AK8: variants seen among roughly 807,000 people sequenced by gnomAD.
The protein encoded by AK8 is adenylate kinase 8.
AK8 carries 44 observed loss-of-function variants against 54.6 expected under a neutral mutation model. The ratio of observed to expected loss-of-function variants is 0.81; its 90% CI spans 0.63 to 1.04. The LOEUF (loss-of-function observed/expected upper bound fraction) is 1.04, where lower values mean the gene tolerates loss of function less well. Among genes scored for constraint, AK8 ranks in the 50% least tolerant of loss-of-function variants. AK8 has a pLI of 0.00. For synonymous variants in AK8, 239 were observed against 245.6 expected, an observed-to-expected ratio of 0.97 and a Z score of 0.25; for missense variants, 555 against 613.6, an observed-to-expected ratio of 0.90 and a Z score of 1.01.
chr9:132,848,115 CAAAAAAAAAAAAAAA>C (rs796764891), intron 5 of AK8, among the ~76,000 whole-genome samples: 3 of 52,538 alleles, frequency 5.7e-5, no homozygotes, highest in African/African-American at 7.2e-5. Flanking sequence ...CACCCTGTTT[CAAAAAAAAAAAAAAA>C]AAAAAAAAAA....
chr9:132,867,613 C>A (rs1427445722), intron 2 of AK8, among the ~76,000 whole-genome samples: 4 of 152,238 alleles, frequency 2.6e-5, no homozygotes, highest in Admixed American at 1.3e-4. Context: ...TCTGGGCTCA[C>A]CCGGCAGGTG....
At chr9:132,854,747 G>C in intron 5 of AK8, 110 bp downstream of exon 5, 1 of 1,228,882 alleles carries the variant, frequency 8.1e-7, no homozygotes, top group African/African-American at 1.5e-5. Context: ...CCGTTTGCCT[G>C]CCTTACCTTC....
At chr9:132,786,036 T>C (rs1478838152) in intron 11 of AK8, among the ~76,000 whole-genome samples, 1 of 152,212 alleles carries the variant, frequency 6.6e-6, no homozygotes, top group African/African-American at 2.4e-5. Flanking sequence ...AAGGTTTCGA[T>C]GCTGGAAAGC....
chr9:132,827,382 G>A (rs1841917214), intron 7 of AK8: 5 of 384,716 alleles, frequency 1.3e-5, no homozygotes, highest in Non-Finnish European at 2.4e-5. Flanking sequence ...CCATTAGGTT[G>A]GTATTTTCAT....
At position 132,781,496 on chromosome 9, in the gene AK8, T is replaced by C. The variant is rs1483461973; in HGVS notation, c.1121+11138A>G. Among the ~76,000 whole-genome samples, 1 of 152,182 alleles carries C rather than the reference T, an allele frequency of 6.6e-6. No homozygotes were observed. The highest frequency in any genetic ancestry group is 1.5e-5 in the Non-Finnish European group (1 of 68,036). On this transcript the variant is annotated intron_variant, in intron 11 of 12. Transcript: ENST00000298545. This position sits in a 1 kb window ranked among gnomAD's most constrained non-coding sequence, Gnocchi z 4.6. The stretch of plus-strand genomic sequence containing the variant: ...CAAAGAGGTCTATTTTTGTGTCCAA[T>C]ACACTGAGTAGCTTACCCTTCCCCG...
At chr9:132,755,844 T>C (rs929372242) in intron 11 of AK8, among the ~76,000 whole-genome samples, 2 of 152,006 alleles carry the variant, frequency 1.3e-5, no homozygotes, top group African/African-American at 4.8e-5. Flanking sequence ...CTCTGCTCAC[T>C]GCAACCTTCG....
chr9:132,823,168 T>C, intron 9 of AK8, 37 bp downstream of exon 9: 1 of 1,504,692 alleles, frequency 6.6e-7, no homozygotes, highest in Non-Finnish European at 8.8e-7. Context: ...AGGGAAAGGC[T>C]CTCGAAGCTG....
At chr9:132,752,058 T>C (rs563620944) in intron 11 of AK8, among the ~76,000 whole-genome samples, 1 of 152,002 alleles carries the variant, frequency 6.6e-6, no homozygotes, top group South Asian at 2.1e-4. Flanking sequence ...GTCAGGCTGG[T>C]CTCGAACTCC....
Position 132,866,885 on chromosome 9 carries a change from C to A in AK8, c.219+19G>T. The A allele has an allele frequency of 6.2e-7, 1 of 1,611,780 alleles. No homozygotes were observed. Among genetic ancestry groups the A allele is most frequent in the Non-Finnish European group, 8.5e-7 (1 of 1,177,896 alleles). ...AATGAGATATTACAGCATCACAACACTTAATATGATACACTTACTATTGTT... is the reference window on the plus strand; with the variant it reads ...AATGAGATATTACAGCATCACAACAATTAATATGATACACTTACTATTGTT... On this transcript the variant is annotated intron_variant, in intron 3 of 12. Coordinates refer to ENST00000298545, the MANE Select transcript of AK8 (RefSeq NM_152572.3).
At chr9:132,833,734 A>T (rs1588187983) in intron 5 of AK8, among the ~76,000 whole-genome samples, 1 of 152,220 alleles carries the variant, frequency 6.6e-6, no homozygotes. Context: ...AAAAAAGCAA[A>T]GAAAAGACGC....
chr9:132,729,462 A>G (rs1326415356), intron 11 of AK8, among the ~76,000 whole-genome samples: 1 of 152,248 alleles, frequency 6.6e-6, no homozygotes, highest in Non-Finnish European at 1.5e-5. Flanking sequence ...GGGATGAGCC[A>G]AGACCTAGGA....
Position 132,837,162 on chromosome 9 carries a change from T to C in AK8, c.403-8436A>G, listed in dbSNP as rs566559142. Among the ~76,000 whole-genome samples the C allele has an allele frequency of 5.1e-4, 78 of 151,844 alleles. No individual in the cohort carries two copies. Among genetic ancestry groups the C allele is most frequent in the Non-Finnish European group, 9.9e-4 (67 of 67,976 alleles). ...GGTGAAACCCCATCTCTACTAAATA[T>C]ACAAAAATTATCTGGGCGTGGTGGC... On this transcript the variant is annotated intron_variant, in intron 5 of 12. Coordinates refer to ENST00000298545, the MANE Select transcript of AK8 (RefSeq NM_152572.3). The surrounding 1 kb of genome is among the most constrained non-coding windows in gnomAD (Gnocchi z 4.3).
chr9:132,759,723 C>G (rs1459584647), intron 11 of AK8, among the ~76,000 whole-genome samples: 2 of 152,194 alleles, frequency 1.3e-5, no homozygotes, highest in Non-Finnish European at 2.9e-5. Flanking sequence ...CGTGGTGCCA[C>G]CCCTGTCATT....
intron 11 of AK8, among the ~76,000 whole-genome samples, chr9:132,744,417 CA>C (rs35007270): frequency 0.46 from 53,947 of 117,744 alleles, 10,126 homozygotes; most frequent in Admixed American, 0.58. Flanking sequence ...AGACACGTGC[CA>C]AAAAAAAAAA....
chr9:132,778,217 C>T (rs1412012600), intron 11 of AK8, among the ~76,000 whole-genome samples: 3 of 152,156 alleles, frequency 2.0e-5, no homozygotes, highest in Non-Finnish European at 2.9e-5. Context: ...GGTAAACTCT[C>T]GGATGATGGC....
At chr9:132,754,593 C>T (rs1461191863) in intron 11 of AK8, among the ~76,000 whole-genome samples, 2 of 152,166 alleles carry the variant, frequency 1.3e-5, no homozygotes, top group Non-Finnish European at 2.9e-5. Context: ...CCTCTTGCCG[C>T]TGCCCTCTCT....
intron 11 of AK8, among the ~76,000 whole-genome samples, chr9:132,785,005 A>G (rs1362074405): frequency 6.6e-6 from 1 of 152,166 alleles, no homozygotes; most frequent in Non-Finnish European, 1.5e-5. Context: ...TGTATAATAG[A>G]CTGGCACAGA....
intron 10 of AK8, among the ~76,000 whole-genome samples, chr9:132,813,607 G>A (rs1322956648): frequency 6.6e-6 from 1 of 152,218 alleles, no homozygotes; most frequent in Non-Finnish European, 1.5e-5. Context: ...GTGTGGGTGC[G>A]TGAGTGGGAA....
At chr9:132,795,307 T>C (rs1840111111) in intron 10 of AK8, among the ~76,000 whole-genome samples, 1 of 149,544 alleles carries the variant, frequency 6.7e-6, no homozygotes, top group African/African-American at 2.6e-5. Context: ...AGTCACAGTG[T>C]TGGGGCTCCC....
Sources: allele counts gnomAD v4.1 joint callset (sites outside exome capture counted in the v4.1 genomes callset), GRCh38; gene constraint gnomAD v4.1.1; non-coding constraint Gnocchi (gnomAD v3.1); transcripts MANE v1.5; gene names NCBI Gene and HGNC (gene_info 2026-07-23, HGNC 2026-07-21).